The following MALRD1 variants were observed in gnomAD, a reference collection of about 807,000 sequenced individuals.
The protein encoded by MALRD1 is MAM and LDL-receptor class A domain-containing protein 1.
A neutral mutation model predicts 242.1 loss-of-function variants in MALRD1; 247 were observed. The observed-to-expected ratio is 1.02, with a 90% CI of 0.92 to 1.13. The LOEUF is 1.13. MALRD1 is among the 50% of genes most tolerant of loss of function. The probability of loss-of-function intolerance (pLI) is 0.00; values close to 1 mark genes in which losing one functional copy is unlikely to be tolerated. For synonymous variants in MALRD1, 995 were observed against 866.6 expected (o/e 1.15, Z -2.60); for missense variants, 2,989 against 2,533.1 (o/e 1.18, Z -3.86).
In MALRD1 at chr10:19,215,744, AATAAT is replaced by A. The variant is rs1837285527; in HGVS notation, c.2991+6066_2991+6070del. The stretch of plus-strand genomic sequence containing the variant: ...AAATTAGTATAAATAATTTAGTATA[AATAAT>A]AATTAGTATAAACAAATAATTTAGT... On this transcript the variant is annotated intron_variant, in intron 18 of 39. Coordinates refer to ENST00000454679, the MANE Select transcript of MALRD1 (RefSeq NM_001142308.3). 2.3e-5 allele frequency among the ~76,000 whole-genome samples: 2 copies of A among 87,382 alleles called. 1 individual carries two copies. Among genetic ancestry groups the A allele is most frequent in the Non-Finnish European group, 5.7e-5 (2 of 35,064 alleles). The allele number at this position is 87,382 out of a possible 152,430, so 57.3% of individuals were successfully genotyped here.
rs185820881 is a variant in MALRD1 at position 19,668,099 on chromosome 10, T to C, written c.6138-24183T>C. ...CTCCCAAAGACCCCACCTCTGAATATCATCCAATTGGTAATTAGGTTCTCA... is the reference window on the plus strand; with the variant it reads ...CTCCCAAAGACCCCACCTCTGAATACCATCCAATTGGTAATTAGGTTCTCA... On this transcript the variant is annotated intron_variant, in intron 36 of 39. Transcript: ENST00000454679. Among the ~76,000 whole-genome samples, 4 of 152,280 alleles carry C rather than the reference T, an allele frequency of 2.6e-5. No homozygotes were observed. The East Asian group carries it at 7.7e-4, about 29-fold the overall frequency.
intron 21 of MALRD1, among the ~76,000 whole-genome samples, chr10:19,286,266 C>G (rs917309989): frequency 2.1e-4 from 32 of 149,030 alleles, no homozygotes; most frequent in African/African-American, 7.9e-4. Context: ...GCCTGATTGC[C>G]CTGGCCAGAA....
intron 38 of MALRD1, among the ~76,000 whole-genome samples, chr10:19,697,993 G>A (rs1833454640): frequency 6.6e-6 from 1 of 151,982 alleles, no homozygotes; most frequent in Non-Finnish European, 1.5e-5. Context: ...CATTTCCAAG[G>A]TTTTAAGTGA....
chr10:19,541,593 G>A (rs954772812), intron 32 of MALRD1, among the ~76,000 whole-genome samples: 3 of 151,960 alleles, frequency 2.0e-5, no homozygotes, highest in African/African-American at 7.3e-5. Context: ...TCCTTCTATG[G>A]TATCAATGTC....
rs866561886 is a variant in MALRD1, at chr10:19,238,411, A to C, written c.2992-19273A>C. Among the ~76,000 whole-genome samples, 27 of 83,978 alleles carry C rather than the reference A, an allele frequency of 3.2e-4. 3 individuals carry two copies. The highest frequency in any genetic ancestry group is 1.4e-3 in the African/African-American group (26 of 19,212). The allele number at this position is 83,978 out of a possible 152,430, so 55.1% of individuals were successfully genotyped here. A position where few individuals can be genotyped will look rare whatever the true frequency, so the allele number is the denominator to read the frequency against. On this transcript the variant is annotated intron_variant, in intron 18 of 39. Transcript: ENST00000454679. ...TTATATATGTTATATATTATGTATA[A>C]TATATAATATACATTATATATAATA... is the stretch of plus-strand genomic sequence containing the variant.
intron 4 of MALRD1, among the ~76,000 whole-genome samples, chr10:19,100,551 G>A (rs1042776913): frequency 6.0e-5 from 9 of 150,068 alleles, no homozygotes; most frequent in African/African-American, 2.3e-4. Context: ...AACTCTCAAG[G>A]TCATTTTGGA....
At chr10:19,203,666 C>T (rs1836652448) in intron 14 of MALRD1, 62 bp from the exon 15 acceptor site, 5 of 1,440,162 alleles carry the variant, frequency 3.5e-6, no homozygotes, top group Non-Finnish European at 4.6e-6. Flanking sequence ...TTGAGCTCTG[C>T]CTTTTCAAAG....
intron 25 of MALRD1, among the ~76,000 whole-genome samples, chr10:19,349,165 T>A (rs1844258869): frequency 6.6e-6 from 1 of 152,154 alleles, no homozygotes; most frequent in South Asian, 2.1e-4. Context: ...TTCACTATGT[T>A]GCCCAGGCTG....
chr10:19,641,644 G>A (rs1466330829), intron 36 of MALRD1, among the ~76,000 whole-genome samples: 3 of 152,120 alleles, frequency 2.0e-5, no homozygotes, highest in Non-Finnish European at 2.9e-5. Context: ...TATTCTTGGA[G>A]TCAAGAACCT....
intron 19 of MALRD1, among the ~76,000 whole-genome samples, chr10:19,262,641 G>A (rs936969634): frequency 7.9e-5 from 11 of 138,534 alleles, no homozygotes; most frequent in Non-Finnish European, 3.1e-5. Context: ...GCGCGACAGA[G>A]CAAGAGTCTG....
intron 29 of MALRD1, among the ~76,000 whole-genome samples, chr10:19,454,730 A>ACG (rs1835550594): frequency 1.6e-5 from 2 of 121,830 alleles, no homozygotes; most frequent in South Asian, 6.1e-4. Context: ...ACACACACAC[A>ACG]CACACACACA....
chr10:19,531,545 T>G (rs971797984), intron 32 of MALRD1, among the ~76,000 whole-genome samples, 194 bp downstream of exon 32: 16 of 152,220 alleles, frequency 1.1e-4, no homozygotes, highest in African/African-American at 1.7e-4. Context: ...TCAAGATTTA[T>G]CTCACTGACG....
intron 11 of MALRD1, among the ~76,000 whole-genome samples, chr10:19,152,095 A>G (rs1469940243): frequency 6.6e-6 from 1 of 152,118 alleles, no homozygotes; most frequent in Admixed American, 6.6e-5. Context: ...TAATTTTTAT[A>G]TTGTGCTGGT....
chr10:19,595,599 C>A, intron 34 of MALRD1, 142 bp downstream of exon 34: 3 of 1,025,780 alleles, frequency 2.9e-6, no homozygotes, highest in Non-Finnish European at 2.7e-6. Context: ...TGTTATGTTG[C>A]AAAACAAGGC....
At chr10:19,161,566 A>AAAAAAAAAAAT (rs1834417998) in intron 12 of MALRD1, among the ~76,000 whole-genome samples, 1 of 146,934 alleles carries the variant, frequency 6.8e-6, no homozygotes, top group Non-Finnish European at 1.5e-5. Flanking sequence ...AAAAAAAAAA[A>AAAAAAAAAAAT]AGAAAATTTC....
intron 28 of MALRD1, among the ~76,000 whole-genome samples, chr10:19,439,641 C>T (rs1834522535): frequency 6.6e-6 from 1 of 152,068 alleles, no homozygotes; most frequent in African/African-American, 2.4e-5. Context: ...ATTAGCTATA[C>T]AACTATACTA....
chr10:19,228,737 G>T lies in MALRD1; in HGVS notation c.2991+19057G>T, dbSNP rs182452431. Among the ~76,000 whole-genome samples, 61 of 152,172 alleles carry T rather than the reference G, an allele frequency of 4.0e-4. 1 individual carries two copies. The South Asian group carries it at 0.011, about 27-fold the overall frequency. ...CGTTACAGCTATGCTCTATATTGGA[G>T]TCTCTGATGAAATCACATGTCTAAA... On this transcript the variant is annotated intron_variant, in intron 18 of 39. Coordinates refer to ENST00000454679, the MANE Select transcript of MALRD1 (RefSeq NM_001142308.3).
intron 31 of MALRD1, among the ~76,000 whole-genome samples, chr10:19,504,590 C>G (rs937822558): frequency 2.7e-5 from 4 of 150,838 alleles, no homozygotes; most frequent in Admixed American, 6.6e-5. Context: ...CACTTAAAGA[C>G]ATACTTGCAC....
intron 28 of MALRD1, among the ~76,000 whole-genome samples, chr10:19,415,797 T>C (rs1833494464): frequency 6.6e-6 from 1 of 152,170 alleles, no homozygotes; most frequent in African/African-American, 2.4e-5. Flanking sequence ...ATACTGCCAA[T>C]AGAAAGGGGT....
Sources: gnomAD v4.1 joint callset for allele counts (sites outside exome capture counted in the v4.1 genomes callset) on GRCh38, gnomAD v4.1.1 for gene constraint, MANE v1.5 for transcripts, NCBI Gene and HGNC (gene_info 2026-07-23, HGNC 2026-07-21) for gene names.